GLRA2: variants seen among roughly 807,000 people sequenced by gnomAD.
The protein encoded by GLRA2 is glycine receptor subunit alpha-2.
A neutral mutation model predicts 31.6 loss-of-function variants in GLRA2; 11 were observed. That is an observed-to-expected ratio of 0.35 (90% CI 0.22 to 0.58). The LOEUF is 0.58. GLRA2 is among the 20% of genes least tolerant of loss of function. The pLI, the probability that GLRA2 is intolerant of heterozygous loss-of-function variation, is 0.84. For synonymous variants in GLRA2, 132 were observed against 134.0 expected, an observed-to-expected ratio of 0.99 and a Z score of 0.10; for missense variants, 212 against 351.8, an observed-to-expected ratio of 0.60 and a Z score of 3.18.
chrX:14,614,178 C>G (rs759197064), intron 7 of GLRA2, among the ~76,000 whole-genome samples: 24 of 111,230 alleles, frequency 2.2e-4, no homozygotes, highest in South Asian at 1.9e-3. Flanking sequence ...ATGTTGCTGA[C>G]TTCACCATTG....
intron 7 of GLRA2, among the ~76,000 whole-genome samples, chrX:14,633,247 G>A (rs2090671661): frequency 8.9e-6 from 1 of 111,970 alleles, no homozygotes; most frequent in South Asian, 3.7e-4. Context: ...TATAATCCCA[G>A]CACTTTGGGA....
rs139146968 is a variant in GLRA2 at position 14,697,409 on chromosome X, G to A, written c.1080+6550G>A. Among the ~76,000 whole-genome samples, 237 of 111,936 alleles carry A rather than the reference G, an allele frequency of 2.1e-3. 2 individuals are homozygous for A. Among genetic ancestry groups the A allele is most frequent in the Non-Finnish European group, 3.7e-3 (196 of 53,177 alleles). On this transcript the variant is annotated intron_variant, in intron 8 of 8. Coordinates refer to ENST00000218075, the MANE Select transcript of GLRA2 (RefSeq NM_002063.4). ...GGATTCTGTCATAGGGTGATCCTCC[G>A]GTATAGGGGTATGCATGTGCAGTGA...
chrX:14,656,092 G>A (rs1298933332), intron 7 of GLRA2, among the ~76,000 whole-genome samples: 2 of 111,179 alleles, frequency 1.8e-5, no homozygotes, highest in East Asian at 2.8e-4. Flanking sequence ...GGTGATTCAG[G>A]TGCATATTAC....
Position 14,587,334 on chromosome X carries a change from G to C in GLRA2, c.494+5928G>C, listed in dbSNP as rs141146304. Reference sequence around the variant, plus strand: ...AGGAATGGGATTGCTGGTTCGAATAGTATCTCTGTTGTAAGTTATTTGAGA... The same window carrying C: ...AGGAATGGGATTGCTGGTTCGAATACTATCTCTGTTGTAAGTTATTTGAGA... On this transcript the variant is annotated intron_variant, in intron 4 of 8. Coordinates refer to ENST00000218075, the MANE Select transcript of GLRA2 (RefSeq NM_002063.4). Among the ~76,000 whole-genome samples the C allele has an allele frequency of 9.8e-4, 110 of 111,996 alleles. 1 individual carries two copies. The highest frequency in any genetic ancestry group is 3.3e-3 in the African/African-American group (102 of 30,825).
At chrX:14,488,739 A>G in the GLRA2 span, among the ~76,000 whole-genome samples, 1 of 112,403 alleles carries the variant, frequency 8.9e-6, no homozygotes, top group Non-Finnish European at 1.9e-5. Flanking sequence ...AGAAACAACA[A>G]ACACCCCAAA....
chrX:14,465,392 T>C, the GLRA2 span, among the ~76,000 whole-genome samples: 1 of 112,215 alleles, frequency 8.9e-6, no homozygotes, highest in South Asian at 3.7e-4. Context: ...TTATATCATC[T>C]GCAAACAGAG....
chrX:14,632,271 C>A (rs1359131309), intron 7 of GLRA2, among the ~76,000 whole-genome samples: 2 of 110,636 alleles, frequency 1.8e-5, no homozygotes, highest in Admixed American at 9.7e-5. Flanking sequence ...TAAATGTGGT[C>A]CCTGTTACTC....
At chrX:14,477,860 C>A in the GLRA2 span, among the ~76,000 whole-genome samples, 2 of 110,700 alleles carry the variant, frequency 1.8e-5, no homozygotes, top group African/African-American at 6.6e-5. Flanking sequence ...CTCCTGGCAA[C>A]GATTTTCTGT....
chrX:14,457,599 T>C, the GLRA2 span, among the ~76,000 whole-genome samples: 1 of 112,243 alleles, frequency 8.9e-6, no homozygotes, highest in South Asian at 3.7e-4. Context: ...CAGTCTATCA[T>C]TGATGGGCAT....
chrX:14,549,439 C>A (rs992361913), intron 2 of GLRA2, among the ~76,000 whole-genome samples: 1 of 111,462 alleles, frequency 9.0e-6, no homozygotes, highest in Non-Finnish European at 1.9e-5. Context: ...ACTCAAGATA[C>A]CTTTCAAAGG....
At chrX:14,501,633 A>G in the GLRA2 span, among the ~76,000 whole-genome samples, 1 of 111,819 alleles carries the variant, frequency 8.9e-6, no homozygotes, top group Non-Finnish European at 1.9e-5. Context: ...TCACAGCCTC[A>G]TTCACAGCAT....
At chrX:14,638,462 ATT>A (rs1179128311) in intron 7 of GLRA2, among the ~76,000 whole-genome samples, 1 of 111,368 alleles carries the variant, frequency 9.0e-6, no homozygotes, top group African/African-American at 3.3e-5. Flanking sequence ...GAGGAATTTT[ATT>A]TTGTTATTTT....
chrX:14,639,542 A>G, intron 7 of GLRA2, among the ~76,000 whole-genome samples: 1 of 112,040 alleles, frequency 8.9e-6, no homozygotes, highest in Non-Finnish European at 1.9e-5. Flanking sequence ...TTCAGTGACA[A>G]TGCTTCCCTA....
At chrX:14,707,566 C>G (rs1173552606) in intron 8 of GLRA2, among the ~76,000 whole-genome samples, 2 of 70,370 alleles carry the variant, frequency 2.8e-5, no homozygotes, top group Admixed American at 4.2e-4. Context: ...ACCCACCCCC[C>G]ACCCTCCACC....
At chrX:14,571,513 A>C (rs1819131611) in intron 2 of GLRA2, among the ~76,000 whole-genome samples, 1 of 112,007 alleles carries the variant, frequency 8.9e-6, no homozygotes, top group Admixed American at 9.5e-5. Context: ...AGTTAAGAAA[A>C]ATATCCTTAA....
chrX:14,581,457 T>G, intron 4 of GLRA2, 51 bp downstream of exon 4: 1 of 685,118 alleles, frequency 1.5e-6, no homozygotes, highest in Non-Finnish European at 2.4e-6. Flanking sequence ...TCCACTAATG[T>G]AGAGCTGCCT....
At chrX:14,660,277 A>G (rs920234629) in intron 7 of GLRA2, among the ~76,000 whole-genome samples, 1 of 111,613 alleles carries the variant, frequency 9.0e-6, no homozygotes, top group African/African-American at 3.3e-5. Context: ...AGAAAGGCAC[A>G]TAGACGTCTG....
the GLRA2 span, among the ~76,000 whole-genome samples, chrX:14,449,365 T>A: frequency 1.8e-5 from 2 of 112,026 alleles, no homozygotes; most frequent in Non-Finnish European, 3.8e-5. Flanking sequence ...CACATAGACA[T>A]TTGAGTTTGC....
the GLRA2 span, among the ~76,000 whole-genome samples, chrX:14,466,528 C>A: frequency 5.4e-5 from 6 of 111,573 alleles, no homozygotes; most frequent in Non-Finnish European, 1.9e-5. Context: ...ACTCTTCATG[C>A]ATTGTCTCCA....
Sources: gnomAD v4.1 joint callset for allele counts (sites outside exome capture counted in the v4.1 genomes callset) on GRCh38, gnomAD v4.1.1 for gene constraint, MANE v1.5 for transcripts, NCBI Gene and HGNC (gene_info 2026-07-23, HGNC 2026-07-21) for gene names.